Variants in ALDH8A1 observed in about 807,000 individuals in gnomAD.
ALDH8A1 encodes aldehyde dehydrogenase 8 family member A1.
ALDH8A1 carries 39 observed loss-of-function variants against 43.3 expected under a neutral mutation model. The ratio of observed to expected loss-of-function variants is 0.90; its 90% CI spans 0.70 to 1.18. ALDH8A1 has a LOEUF of 1.18. Ranked by LOEUF, ALDH8A1 falls within the 50% of genes most tolerant of loss-of-function variation. ALDH8A1 has a pLI of 0.00. For synonymous variants in ALDH8A1, 233 were observed against 243.5 expected (o/e 0.96, Z 0.40); for missense variants, 605 against 622.6 (o/e 0.97, Z 0.30).
At chr6:134,923,281 C>T (rs916336403) in intron 6 of ALDH8A1, among the ~76,000 whole-genome samples, 3 of 151,874 alleles carry the variant, frequency 2.0e-5, no homozygotes, top group Non-Finnish European at 4.4e-5. Context: ...CTTCCTGCCT[C>T]GGCCTCCCAC....
Position 134,918,279 on chromosome 6 carries a change from C to T in ALDH8A1, c.*136G>A. On this transcript the variant is annotated 3_prime_UTR_variant, in exon 7 of 7. Coordinates refer to ENST00000265605, the MANE Select transcript of ALDH8A1 (RefSeq NM_022568.4). Reference sequence around the variant, plus strand: ...CACTAGTGGGTAAAGTTACTAAGAACTGAGGATAAGCTAGAGATAACCTTC... The same window carrying T: ...CACTAGTGGGTAAAGTTACTAAGAATTGAGGATAAGCTAGAGATAACCTTC... The T allele has an allele frequency of 2.5e-6, 2 of 793,214 alleles. No homozygotes were observed. The highest frequency in any genetic ancestry group is 2.0e-6 in the Non-Finnish European group (1 of 501,248). 49.1% of individuals were successfully genotyped at this position (793,214 alleles called of 1,614,324 possible).
intron 6 of ALDH8A1, among the ~76,000 whole-genome samples, chr6:134,922,808 G>T (rs966695938): frequency 1.7e-4 from 26 of 152,138 alleles, no homozygotes; most frequent in African/African-American, 6.3e-4. Context: ...AAGAATAGTT[G>T]CTGAAAAATT....
Position 134,929,190 on chromosome 6 carries a change from C to T in ALDH8A1, c.875G>A (p.Arg292Lys), listed in dbSNP as rs1217383549. The change falls in exon 6 of 7, where the codon AGG becomes AAG. Residue 292 changes from arginine to lysine, a missense_variant. Coordinates refer to ENST00000265605, the MANE Select transcript of ALDH8A1 (RefSeq NM_022568.4). ...NQGEICLCTS[R>K]IFVQKSIYSE... is the part of the protein sequence containing the mutation. ...ATAGATGCTCTTCTGGACAAAGATC[C>T]TGCTGGTACAGAGACAGATTTCACC... The T allele has an allele frequency of 1.2e-6, 2 of 1,614,042 alleles. No homozygotes were observed. The highest frequency in any genetic ancestry group is 1.7e-6 in the Non-Finnish European group (2 of 1,179,996).
chr6:134,937,638 C>G (rs1773767945), intron 4 of ALDH8A1, among the ~76,000 whole-genome samples: 1 of 152,216 alleles, frequency 6.6e-6, no homozygotes, highest in Admixed American at 6.5e-5. Context: ...GTTAAGGGAA[C>G]ACGGCTCTGC....
At chr6:134,921,624 C>T (rs1352709717) in intron 6 of ALDH8A1, among the ~76,000 whole-genome samples, 4 of 152,214 alleles carry the variant, frequency 2.6e-5, no homozygotes, top group African/African-American at 9.7e-5. Flanking sequence ...TGGATTATTT[C>T]ACCAAAGGCA....
rs371213105 is a variant in ALDH8A1, at chr6:134,944,163, G to T, written c.139-197C>A. 2.5e-5 allele frequency: 15 copies of T among 589,598 alleles called. No individual in the cohort carries two copies. In the South Asian group the frequency reaches 3.3e-4, roughly 13 times the overall value. 36.5% of individuals were successfully genotyped at this position (589,598 alleles called of 1,614,324 possible). A position where few individuals can be genotyped will look rare whatever the true frequency, so the allele number is the denominator to read the frequency against. ...GCTCACTGCAACCTCTGCCTCCGGGGTTCAAGTGATTCTCCCACCTCAGCC... is the reference window on the plus strand; with the variant it reads ...GCTCACTGCAACCTCTGCCTCCGGGTTTCAAGTGATTCTCCCACCTCAGCC... On this transcript the variant is annotated intron_variant, in intron 1 of 6. Coordinates refer to ENST00000265605, the MANE Select transcript of ALDH8A1 (RefSeq NM_022568.4).
At chr6:134,939,077 C>T (rs1169845874) in intron 4 of ALDH8A1, among the ~76,000 whole-genome samples, 189 bp downstream of exon 4, 4 of 152,130 alleles carry the variant, frequency 2.6e-5, no homozygotes, top group Non-Finnish European at 5.9e-5. Flanking sequence ...GCAGTAGCAC[C>T]GTTCTGGTGT....
intron 2 of ALDH8A1, 137 bp from the exon 3 acceptor site, chr6:134,942,701 C>A: frequency 1.3e-6 from 1 of 787,828 alleles, no homozygotes. Flanking sequence ...TCCTTGACCT[C>A]ACAAAGACTT....
In ALDH8A1 at chr6:134,918,995, A is replaced by G. The variant is rs1776755240; in HGVS notation, c.1012-128T>C. 2.7e-6 allele frequency: 3 copies of G among 1,092,718 alleles called. No individual in the cohort carries two copies. In the Admixed American group the frequency reaches 7.7e-5, roughly 28 times the overall value. The allele number at this position is 1,092,718 out of a possible 1,614,324, so 67.7% of individuals were successfully genotyped here. On this transcript the variant is annotated intron_variant, in intron 6 of 6. Coordinates refer to ENST00000265605, the MANE Select transcript of ALDH8A1 (RefSeq NM_022568.4). ...GTCATTCCTAAGAAATCTATGGTCG[A>G]TTATCTTATCACTCAGCTGCTAAGC...
At chr6:134,930,110 T>C (rs1776957713) in intron 5 of ALDH8A1, among the ~76,000 whole-genome samples, 1 of 152,150 alleles carries the variant, frequency 6.6e-6, no homozygotes, top group African/African-American at 2.4e-5. Flanking sequence ...AGTGATGAGA[T>C]TCAGGATATA....
chr6:134,936,785 T>C (rs1583031116), intron 4 of ALDH8A1, among the ~76,000 whole-genome samples: 1 of 152,208 alleles, frequency 6.6e-6, no homozygotes, highest in Non-Finnish European at 1.5e-5. Context: ...CATTTTGACA[T>C]TTTATCCAGA....
chr6:134,939,455 C>G, intron 3 of ALDH8A1, 40 bp from the exon 4 acceptor site: 1 of 1,602,286 alleles, frequency 6.2e-7, no homozygotes, highest in Non-Finnish European at 8.5e-7. Context: ...TGACGGCATA[C>G]CCCTCTGAGG....
chr6:134,926,767 C>T (rs1776889985), intron 6 of ALDH8A1, among the ~76,000 whole-genome samples: 1 of 151,854 alleles, frequency 6.6e-6, no homozygotes, highest in East Asian at 2.0e-4. Context: ...CAAGACCACG[C>T]CATTGCACTC....
Position 134,932,775 on chromosome 6 carries a change from C to T in ALDH8A1, c.849+1G>A, listed in dbSNP as rs575696307. 6.2e-7 allele frequency: 1 copy of T among 1,613,820 alleles called. No individual in the cohort carries two copies. The highest frequency in any genetic ancestry group is 1.3e-5 in the African/African-American group (1 of 75,060). On this transcript the variant is annotated splice_donor_variant, in intron 5 of 6. Coordinates refer to ENST00000265605, the MANE Select transcript of ALDH8A1 (RefSeq NM_022568.4). LOFTEE classifies it high-confidence loss of function. Reference sequence around the variant, plus strand: ...AGGGAGAAGAACCCCCGGGGACATACCTGGTTGGCAAAGCTGGACCTGACG... The same window carrying T: ...AGGGAGAAGAACCCCCGGGGACATATCTGGTTGGCAAAGCTGGACCTGACG...
intron 6 of ALDH8A1, among the ~76,000 whole-genome samples, chr6:134,920,856 T>C (rs1776787598): frequency 2.0e-5 from 3 of 152,146 alleles, no homozygotes; most frequent in Admixed American, 2.0e-4. Flanking sequence ...AGACATAAAG[T>C]CAGAGTACAG....
chr6:134,949,937 C>T lies in ALDH8A1; in HGVS notation c.117G>A (p.Val39=). 6.2e-7 allele frequency: 1 copy of T among 1,603,854 alleles called. No homozygotes were observed. ...TCACCTCGTCTTTTCCACTATTTGG[C>T]ACTCTGCAATACACTTCCCCTGTTG... ...DPSTGEVYCR[V]PNSGKDEIEA... is the part of the protein sequence containing the mutation. The change falls in exon 1 of 7, where the codon GTG becomes GTA. Residue 39 remains valine (V), a synonymous_variant. Coordinates refer to ENST00000265605, the MANE Select transcript of ALDH8A1 (RefSeq NM_022568.4).
chr6:134,936,949 G>C (rs1323046370), intron 4 of ALDH8A1, among the ~76,000 whole-genome samples: 1 of 152,104 alleles, frequency 6.6e-6, no homozygotes, highest in African/African-American at 2.4e-5. Flanking sequence ...GAACAGACTA[G>C]AAGGAAACCC....
At chr6:134,933,835 A>T (rs1360118872) in intron 4 of ALDH8A1, among the ~76,000 whole-genome samples, 4 of 152,040 alleles carry the variant, frequency 2.6e-5, no homozygotes, top group African/African-American at 9.7e-5. Context: ...CAGCCTCCCG[A>T]GTAGCTGGGA....
intron 4 of ALDH8A1, among the ~76,000 whole-genome samples, chr6:134,938,719 C>T (rs1270801620): frequency 6.6e-6 from 1 of 152,160 alleles, no homozygotes; most frequent in African/African-American, 2.4e-5. Context: ...GCAATCTCGG[C>T]TCACTGCAAG....
Sources: allele counts gnomAD v4.1 joint callset (sites outside exome capture counted in the v4.1 genomes callset), GRCh38; gene constraint gnomAD v4.1.1; transcripts MANE v1.5; gene names NCBI Gene and HGNC (gene_info 2026-07-23, HGNC 2026-07-21).